Variants in ANTXRL observed in about 807,000 individuals in gnomAD.
The protein encoded by ANTXRL is anthrax toxin receptor-like.
Under a neutral mutation model 75.4 loss-of-function variants are expected in ANTXRL, and 63 were observed. The observed-to-expected ratio is 0.84, with a 90% CI of 0.68 to 1.03. ANTXRL has a LOEUF of 1.03. Among genes scored for constraint, ANTXRL ranks in the 50% least tolerant of loss-of-function variants. The pLI, the probability that ANTXRL is intolerant of heterozygous loss-of-function variation, is 0.00. For synonymous variants in ANTXRL, 335 were observed against 291.3 expected (o/e 1.15, Z -1.53); for missense variants, 797 against 789.4 (o/e 1.01, Z -0.12).
intron 16 of ANTXRL, among the ~76,000 whole-genome samples, chr10:46,325,311 A>C (rs1188239158): frequency 6.6e-6 from 1 of 152,166 alleles, no homozygotes; most frequent in Non-Finnish European, 1.5e-5. Context: ...GGGTGTTTGC[A>C]ATGAAGGCAT....
chr10:46,299,488 GT>G lies in ANTXRL; in HGVS notation c.796+1428del, dbSNP rs1260504850. On this transcript the variant is annotated intron_variant, in intron 9 of 16. Transcript: ENST00000620264. Reference sequence around the variant, plus strand: ...AGGCTGGGGGTCTGCATGGCCGGCAGTTGCACAACTGCGGCTGCTGGAGTTG... The same window carrying G: ...AGGCTGGGGGTCTGCATGGCCGGCAGTGCACAACTGCGGCTGCTGGAGTTG... Among the ~76,000 whole-genome samples, 4 of 152,108 alleles carry G rather than the reference GT, an allele frequency of 2.6e-5. No individual in the cohort carries two copies. In the East Asian group the frequency reaches 7.8e-4, roughly 29 times the overall value.
rs557679052 is a variant in ANTXRL at position 46,317,055 on chromosome 10, G to A, written c.1410+3739G>A. 1.1e-4 allele frequency among the ~76,000 whole-genome samples: 16 copies of A among 152,242 alleles called. No individual in the cohort carries two copies. The South Asian group carries it at 3.3e-3, about 32-fold the overall frequency. ...AGGCTCCAGCCTCCTGCGACCCTAA[G>A]CTGGAATAACTGAGTAAATAATTAT... On this transcript the variant is annotated intron_variant, in intron 16 of 16. Transcript: ENST00000620264.
At chr10:46,307,306 T>C (rs1838153580) in intron 11 of ANTXRL, 96 bp from the exon 12 acceptor site, 5 of 883,418 alleles carry the variant, frequency 5.7e-6, no homozygotes, top group Non-Finnish European at 9.0e-6. Flanking sequence ...TACCTGCAAG[T>C]GTTTGGGGAA....
At chr10:46,304,372 G>A (rs1554961336) in intron 10 of ANTXRL, among the ~76,000 whole-genome samples, 1 of 152,108 alleles carries the variant, frequency 6.6e-6, no homozygotes, top group Non-Finnish European at 1.5e-5. Flanking sequence ...AGGTAAAGAA[G>A]ACATAGGCTT....
At chr10:46,328,408 T>C (rs1839330901) in intron 16 of ANTXRL, among the ~76,000 whole-genome samples, 2 of 152,100 alleles carry the variant, frequency 1.3e-5, no homozygotes, top group Non-Finnish European at 2.9e-5. Context: ...AGGCTTTCAA[T>C]TTGCTTTCAT....
At chr10:46,310,421 C>T in intron 13 of ANTXRL, 40 bp from the exon 14 acceptor site, 4 of 1,532,648 alleles carry the variant, frequency 2.6e-6, no homozygotes, top group Non-Finnish European at 3.5e-6. Flanking sequence ...AGCCCGCCCA[C>T]CCCCATCCAG....
At chr10:46,317,444 G>C (rs1010761359) in intron 16 of ANTXRL, among the ~76,000 whole-genome samples, 2 of 152,150 alleles carry the variant, frequency 1.3e-5, no homozygotes, top group African/African-American at 4.8e-5. Context: ...GTAACAATTG[G>C]AGCTTAATGC....
chr10:46,325,755 C>G (rs1839181085), intron 16 of ANTXRL, among the ~76,000 whole-genome samples: 1 of 152,088 alleles, frequency 6.6e-6, no homozygotes. Flanking sequence ...CTGGAACAAT[C>G]TTAGGAACTG....
chr10:46,326,798 C>T (rs1331310521), intron 16 of ANTXRL, among the ~76,000 whole-genome samples: 2 of 152,068 alleles, frequency 1.3e-5, no homozygotes, highest in Admixed American at 1.3e-4. Flanking sequence ...CCTTCTTGAG[C>T]CCCAAGGAAA....
chr10:46,302,881 A>C, intron 10 of ANTXRL, 61 bp downstream of exon 10: 1 of 1,313,388 alleles, frequency 7.6e-7, no homozygotes, highest in Non-Finnish European at 1.1e-6. Flanking sequence ...GCCTTTCCCC[A>C]CAGCCAGCCA....
At position 46,311,650 on chromosome 10, in the gene ANTXRL, G is replaced by A. The variant is rs1554963568; in HGVS notation, c.1314G>A (p.Gly438=). The A allele has an allele frequency of 8.9e-7, 1 of 1,121,264 alleles. No individual in the cohort carries two copies. Among genetic ancestry groups the A allele is most frequent in the Non-Finnish European group, 1.3e-6 (1 of 767,854 alleles). The allele number at this position is 1,121,264 out of a possible 1,614,324, so 69.5% of individuals were successfully genotyped here. Residue 438 remains glycine, a synonymous_variant, in exon 15 of 17, where the codon GGG becomes GGA. Coordinates refer to ENST00000620264, the MANE Select transcript of ANTXRL (RefSeq NM_001278688.3). The part of the protein sequence containing the change: ...ICCCGCQGVG[G]MRRIEGNLDT... ...GCTGTGGATGCCAAGGAGTGGGCGG[G>A]ATGAGAAGGATAGAGGTGAGAAGGG...
intron 15 of ANTXRL, among the ~76,000 whole-genome samples, chr10:46,312,967 C>T (rs1390171890): frequency 6.6e-6 from 1 of 152,212 alleles, no homozygotes; most frequent in Non-Finnish European, 1.5e-5. Context: ...CAGGCTCCTC[C>T]TGTCTTTGGA....
chr10:46,329,693 C>G lies in ANTXRL; in HGVS notation c.1505C>G (p.Ser502Cys), dbSNP rs1232566518. 2 of 1,536,170 alleles carry G rather than the reference C, an allele frequency of 1.3e-6. No individual in the cohort carries two copies. Among genetic ancestry groups the G allele is most frequent in the African/African-American group, 2.7e-5 (2 of 72,922 alleles). Residue 502 changes from serine (S) to cysteine (C), a missense_variant, in exon 17 of 17, where the codon TCC becomes TGC. Around this residue, in one of 3 missense-constraint regions of ANTXRL, gnomAD observed 479 missense variants for 422.0 expected, o/e 1.14. Transcript: ENST00000620264. ...ICFPHSQECL[S>C]LPQAPCSPRM... Reference sequence around the variant, plus strand: ...TTTCCACACAGCCAGGAGTGCCTTTCCCTACCACAGGCTCCCTGCAGCCCA... The same window carrying G: ...TTTCCACACAGCCAGGAGTGCCTTTGCCTACCACAGGCTCCCTGCAGCCCA...
At chr10:46,298,594 G>A (rs1301855482) in intron 9 of ANTXRL, among the ~76,000 whole-genome samples, 2 of 151,670 alleles carry the variant, frequency 1.3e-5, no homozygotes, top group Non-Finnish European at 2.9e-5. Context: ...TGGGAAGGTT[G>A]CCTGGTGTGT....
At chr10:46,288,193 G>A (rs1336895923) in intron 1 of ANTXRL, among the ~76,000 whole-genome samples, 1 of 152,092 alleles carries the variant, frequency 6.6e-6, no homozygotes, top group Admixed American at 6.5e-5. Flanking sequence ...CTCCTGCTGG[G>A]TGGTAATACT....
chr10:46,329,469 A>G (rs1381041390), intron 16 of ANTXRL, 130 bp from the exon 17 acceptor site: 1 of 1,198,920 alleles, frequency 8.3e-7, no homozygotes, highest in Non-Finnish European at 1.1e-6. Context: ...AGAGAGGAGG[A>G]GCACAGCAAG....
In ANTXRL at chr10:46,309,130, G is replaced by T. The variant is rs1554962721; in HGVS notation, c.1062G>T (p.Trp354Cys). 2.6e-6 allele frequency: 4 copies of T among 1,523,558 alleles called. No individual in the cohort carries two copies. Among genetic ancestry groups the T allele is most frequent in the Non-Finnish European group, 3.5e-6 (4 of 1,146,330 alleles). 94.4% of individuals were successfully genotyped at this position (1,523,558 alleles called of 1,614,324 possible). A position where few individuals can be genotyped will look rare whatever the true frequency, so the allele number is the denominator to read the frequency against. ...TCCACCAGGGCATTTTCCGCAACTG[G>T]CTCTATTTTGTGCCACTCCTGCTGC... The part of the protein sequence containing the change: ...TSTTCGIFRN[W>C]LYFVPLLLLV... Residue 354 changes from tryptophan (W) to cysteine (C), a missense_variant, in exon 13 of 17, where the codon TGG (tryptophan) becomes TGT (cysteine). Coordinates refer to ENST00000620264, the MANE Select transcript of ANTXRL (RefSeq NM_001278688.3).
chr10:46,295,912 C>G (rs1480323373), intron 3 of ANTXRL, 107 bp from the exon 4 acceptor site: 3 of 900,506 alleles, frequency 3.3e-6, no homozygotes, highest in Non-Finnish European at 5.2e-6. Context: ...GCCCCTCCTT[C>G]ATCCAGGAGG....
chr10:46,313,241 T>C lies in ANTXRL; in HGVS notation c.1335T>C (p.Asn445=), dbSNP rs1554963953. 1 of 1,535,840 alleles carries C rather than the reference T, an allele frequency of 6.5e-7. No individual in the cohort carries two copies. Among genetic ancestry groups the C allele is most frequent in the East Asian group, 2.4e-5 (1 of 40,904 alleles). ...GVGGMRRIEG[N]LDTFCDLSHA... ...ATGGCCACGTTGCTTTTCAGGGCAA[T>C]CTGGATACCTTTTGTGACCTCTCTC... Residue 445 remains asparagine, a synonymous_variant, in exon 16 of 17, where the codon AAT becomes AAC. Coordinates refer to ENST00000620264, the MANE Select transcript of ANTXRL (RefSeq NM_001278688.3).
Sources: gnomAD v4.1 joint callset for allele counts (sites outside exome capture counted in the v4.1 genomes callset) on GRCh38, gnomAD v4.1.1 for gene constraint, gnomAD v4.1.1 regional missense constraint, MANE v1.5 for transcripts, NCBI Gene and HGNC (gene_info 2026-07-23, HGNC 2026-07-21) for gene names.